The following SYT7 variants were observed in gnomAD, a reference collection of about 807,000 sequenced individuals.
The protein encoded by SYT7 is synaptotagmin-7.
In SYT7, 29 loss-of-function variants were observed where a neutral mutation model predicts 75.1. The ratio of observed to expected loss-of-function variants is 0.39; its 90% CI spans 0.29 to 0.53. SYT7 has a LOEUF of 0.53. Among genes scored for constraint, SYT7 ranks in the 20% least tolerant of loss-of-function variants. The pLI is 0.77. For synonymous variants in SYT7, 376 were observed against 401.7 expected (o/e 0.94, Z 0.76); for missense variants, 693 against 953.2 (o/e 0.73, Z 3.59).
intron 7 of SYT7, among the ~76,000 whole-genome samples, chr11:61,533,903 G>A (rs553011995): frequency 6.6e-6 from 1 of 152,230 alleles, no homozygotes; most frequent in African/African-American, 2.4e-5. Context: ...GCTGAAGACT[G>A]TGCATTTGGT....
chr11:61,527,487 G>A (rs1181858075), intron 9 of SYT7, among the ~76,000 whole-genome samples: 3 of 152,158 alleles, frequency 2.0e-5, no homozygotes, highest in Admixed American at 6.5e-5. Flanking sequence ...TGATCTGGTG[G>A]CTCCAGAGTG....
chr11:61,582,675 C>T (rs1336957260), upstream of SYT7, among the ~76,000 whole-genome samples: 1 of 152,202 alleles, frequency 6.6e-6, no homozygotes, highest in Non-Finnish European at 1.5e-5. Flanking sequence ...AAAAAGGCAT[C>T]GTAGGTTAAG....
At chr11:61,540,273 C>G (rs1200221883) in intron 6 of SYT7, 1 of 156,232 alleles carries the variant, frequency 6.4e-6, no homozygotes, top group African/African-American at 2.4e-5. Context: ...CATGGGGCGT[C>G]GGGACAACCC....
chr11:61,569,664 G>C (rs1178717723), intron 1 of SYT7, among the ~76,000 whole-genome samples: 4 of 152,106 alleles, frequency 2.6e-5, no homozygotes, highest in Non-Finnish European at 5.9e-5. Flanking sequence ...GATTACAGAA[G>C]GGGCAGAGGC....
At chr11:61,547,098 G>A in intron 4 of SYT7, 79 bp downstream of exon 4, 1 of 1,479,906 alleles carries the variant, frequency 6.8e-7, no homozygotes, top group Non-Finnish European at 9.0e-7. Context: ...GGGTCCAGAG[G>A]TGGGTGGGGG....
rs944765695 is a variant in SYT7, at chr11:61,546,521, G to A, written c.348-266C>T. On this transcript the variant is annotated intron_variant, in intron 4 of 12. Transcript: ENST00000539008. The surrounding 1 kb of genome is among the most constrained non-coding windows in gnomAD (Gnocchi z 7.6). ...AGGGGGACCGGGCGGGCTGGGGGTC[G>A]GAGAACAACGCACCACGACAACGGA... 8.4e-6 allele frequency: 4 copies of A among 476,648 alleles called. No individual in the cohort carries two copies. Among genetic ancestry groups the A allele is most frequent in the Admixed American group, 3.0e-5 (1 of 33,708 alleles). The allele number at this position is 476,648 out of a possible 1,614,324, so 29.5% of individuals were successfully genotyped here.
At chr11:61,533,446 A>G in intron 7 of SYT7, 1 of 985,238 alleles carries the variant, frequency 1.0e-6, no homozygotes, top group Non-Finnish European at 1.2e-6. Context: ...TCGGTCTCTG[A>G]GGTGGCCACT....
At chr11:61,525,373 C>T (rs1028269853) in intron 9 of SYT7, among the ~76,000 whole-genome samples, 3 of 152,132 alleles carry the variant, frequency 2.0e-5, no homozygotes, top group Non-Finnish European at 4.4e-5. Context: ...CCTCTCCCTG[C>T]TTGGCTTGTG....
At position 61,547,244 on chromosome 11, in the gene SYT7, G is replaced by A; in HGVS notation, c.280C>T (p.Pro94Ser). 1 of 1,535,814 alleles carries A rather than the reference G, an allele frequency of 6.5e-7. No individual in the cohort carries two copies. Among genetic ancestry groups the A allele is most frequent in the Non-Finnish European group, 8.7e-7 (1 of 1,146,682 alleles). Reference protein sequence around the residue: ...STVQQKWSSYPPKEFILNISP... With the variant: ...STVQQKWSSYSPKEFILNISP... Reference sequence around the variant, plus strand: ...ATGTTTAGAATAAACTCCTTGGGAGGGTAGGAGCTCCATTTCTGCTGCACT... The same window carrying A: ...ATGTTTAGAATAAACTCCTTGGGAGAGTAGGAGCTCCATTTCTGCTGCACT... The change falls in exon 4 of 13, where the codon CCT becomes TCT. Residue 94 changes from proline (P) to serine (S), a missense_variant. By Grantham distance (74) the Pro-to-Ser change is moderately conservative. Transcript: ENST00000539008.
chr11:61,527,133 G>A (rs1323580460), intron 9 of SYT7, among the ~76,000 whole-genome samples: 1 of 152,200 alleles, frequency 6.6e-6, no homozygotes, highest in Non-Finnish European at 1.5e-5. Context: ...CCTTCAGAGA[G>A]GGCTTGCAGG....
At position 61,517,514 on chromosome 11, in the gene SYT7, T is replaced by C. The variant is rs545150195; in HGVS notation, c.*1113A>G. 12 of 398,454 alleles carry C rather than the reference T, an allele frequency of 3.0e-5. No homozygotes were observed. The East Asian group carries it at 4.3e-4, about 14-fold the overall frequency. 24.7% of individuals were successfully genotyped at this position (398,454 alleles called of 1,614,324 possible). ...GGAATGAATGGAAGGTCTACAAGCA[T>C]TGGGGGATGGAGGGGTGGAGGAAAG... On this transcript the variant is annotated 3_prime_UTR_variant, in exon 13 of 13. Transcript: ENST00000539008.
intron 1 of SYT7, among the ~76,000 whole-genome samples, chr11:61,557,464 G>C (rs769744862): frequency 1.2e-4 from 19 of 152,154 alleles, no homozygotes; most frequent in Non-Finnish European, 2.5e-4. Flanking sequence ...GTCACCCTCA[G>C]GGATGACTCT....
Position 61,580,977 on chromosome 11 carries a change from G to C in SYT7, c.-157C>G, listed in dbSNP as rs934982640. 1.6e-5 allele frequency: 16 copies of C among 976,828 alleles called. No homozygotes were observed. The South Asian group carries it at 2.3e-4, about 14-fold the overall frequency. 60.5% of individuals were successfully genotyped at this position (976,828 alleles called of 1,614,324 possible). A position where few individuals can be genotyped will look rare whatever the true frequency, so the allele number is the denominator to read the frequency against. On this transcript the variant is annotated 5_prime_UTR_variant, in exon 1 of 13. Coordinates refer to ENST00000539008, the MANE Select transcript of SYT7 (RefSeq NM_001365809.2). This position sits in a 1 kb window ranked among gnomAD's most constrained non-coding sequence, Gnocchi z 6.1. ...GCACCTAGCCGCGGAGCCGGGGAGC[G>C]GGGGCCGCCCGCCAGCCCTCCCGCC...
chr11:61,529,430 C>T (rs2062633334), intron 8 of SYT7, among the ~76,000 whole-genome samples: 1 of 152,196 alleles, frequency 6.6e-6, no homozygotes, highest in Non-Finnish European at 1.5e-5. Flanking sequence ...AGGCAGGTGT[C>T]ACCACCCTCT....
intron 6 of SYT7, 113 bp from the exon 7 acceptor site, chr11:61,538,379 G>GAGAGAGAC: frequency 1.1e-6 from 1 of 902,322 alleles, no homozygotes; most frequent in Non-Finnish European, 1.6e-6. Flanking sequence ...GAGAGAGAGA[G>GAGAGAGAC]AGAGAGAGAA....
chr11:61,584,888 G>A (rs1207254635), upstream of SYT7, among the ~76,000 whole-genome samples: 4 of 152,246 alleles, frequency 2.6e-5, 1 homozygote, highest in Admixed American at 2.6e-4. Context: ...CCCTACAGAA[G>A]GGGGGCCCAA....
chr11:61,528,327 G>A, intron 8 of SYT7, 142 bp from the exon 9 acceptor site: 2 of 1,070,682 alleles, frequency 1.9e-6, no homozygotes, highest in African/African-American at 3.1e-5. Context: ...AGGCTCAGAG[G>A]GCAGGTGCCT....
At chr11:61,571,237 T>A (rs1211440749) in intron 1 of SYT7, among the ~76,000 whole-genome samples, 2 of 152,222 alleles carry the variant, frequency 1.3e-5, no homozygotes, top group Non-Finnish European at 2.9e-5. Context: ...TACCATCGTG[T>A]TTCCACATGG....
intron 1 of SYT7, among the ~76,000 whole-genome samples, chr11:61,563,030 C>G (rs567792029): frequency 1.5e-4 from 23 of 152,156 alleles, no homozygotes; most frequent in Non-Finnish European, 3.1e-4. Flanking sequence ...ACACAGGCCA[C>G]AGACACAAGC....
Sources: allele counts gnomAD v4.1 joint callset (sites outside exome capture counted in the v4.1 genomes callset), GRCh38; gene constraint gnomAD v4.1.1; non-coding constraint Gnocchi (gnomAD v3.1); transcripts MANE v1.5; gene names NCBI Gene and HGNC (gene_info 2026-07-23, HGNC 2026-07-21).